ANKIB1: variants seen among roughly 807,000 people sequenced by gnomAD.
The protein encoded by ANKIB1 is ankyrin repeat and IBR domain-containing protein 1.
ANKIB1 carries 43 observed loss-of-function variants against 122.1 expected under a neutral mutation model. The ratio of observed to expected loss-of-function variants is 0.35; its 90% CI spans 0.28 to 0.45. ANKIB1 has a LOEUF of 0.45. Among genes scored for constraint, ANKIB1 ranks in the 20% least tolerant of loss-of-function variants. The pLI, the probability that ANKIB1 is intolerant of heterozygous loss-of-function variation, is 1.00. For synonymous variants in ANKIB1, 390 were observed against 442.0 expected (o/e 0.88, Z 1.48); for missense variants, 992 against 1,329.5 (o/e 0.75, Z 3.95).
chr7:92,312,524 G>A (rs1372393732), intron 3 of ANKIB1, among the ~76,000 whole-genome samples: 1 of 152,100 alleles, frequency 6.6e-6, no homozygotes, highest in Non-Finnish European at 1.5e-5. Context: ...GAGAATGGCA[G>A]TGTTCTAATA....
At chr7:92,283,673 A>G (rs908612409) in intron 1 of ANKIB1, among the ~76,000 whole-genome samples, 9 of 152,222 alleles carry the variant, frequency 5.9e-5, no homozygotes, top group African/African-American at 2.2e-4. Context: ...AACTGAAAAA[A>G]TGCCTATCGC....
At chr7:92,301,339 A>G (rs1399297033) in intron 2 of ANKIB1, among the ~76,000 whole-genome samples, 1 of 148,268 alleles carries the variant, frequency 6.7e-6, no homozygotes, top group Non-Finnish European at 1.5e-5. Flanking sequence ...TTCCTTCCAC[A>G]TTTTTGCCAT....
At chr7:92,364,170 C>A (rs939393837) in intron 10 of ANKIB1, among the ~76,000 whole-genome samples, 1 of 151,554 alleles carries the variant, frequency 6.6e-6, no homozygotes, top group Non-Finnish European at 1.5e-5. Flanking sequence ...TAAATTAGTC[C>A]GGCATGGTGG....
At chr7:92,370,643 T>C (rs1444762001) in intron 10 of ANKIB1, among the ~76,000 whole-genome samples, 1 of 148,104 alleles carries the variant, frequency 6.8e-6, no homozygotes, top group Non-Finnish European at 1.5e-5. Context: ...CACATAGAAA[T>C]GATAATTACT....
chr7:92,306,272 C>T (rs1393660210), intron 2 of ANKIB1, among the ~76,000 whole-genome samples: 3 of 152,050 alleles, frequency 2.0e-5, no homozygotes, highest in Non-Finnish European at 4.4e-5. Context: ...CACTGCATTC[C>T]TTTTGGAGGC....
chr7:92,255,917 G>C (rs913523720), intron 1 of ANKIB1, among the ~76,000 whole-genome samples: 1 of 152,122 alleles, frequency 6.6e-6, no homozygotes, highest in African/African-American at 2.4e-5. Context: ...TGGTAAACAA[G>C]GGGTATAAAA....
intron 9 of ANKIB1, among the ~76,000 whole-genome samples, chr7:92,355,888 G>A (rs28656891): frequency 8.0e-5 from 11 of 137,998 alleles, no homozygotes; most frequent in East Asian, 4.6e-4. Flanking sequence ...AATAATAATA[G>A]TAATAGTAAT....
intron 7 of ANKIB1, among the ~76,000 whole-genome samples, chr7:92,350,271 C>T (rs1192725130): frequency 2.0e-5 from 3 of 152,080 alleles, no homozygotes; most frequent in African/African-American, 7.2e-5. Flanking sequence ...TATACCATTG[C>T]CCCCTTTTCT....
At chr7:92,379,118 C>T (rs1012378809) in intron 11 of ANKIB1, among the ~76,000 whole-genome samples, 2 of 152,200 alleles carry the variant, frequency 1.3e-5, no homozygotes, top group African/African-American at 2.4e-5. Flanking sequence ...AGGCTGGGCG[C>T]GGTGGCTCAC....
At position 92,246,452 on chromosome 7, in the gene ANKIB1, G is replaced by C. The variant is rs766724778; in HGVS notation, c.-158G>C. Reference sequence around the variant, plus strand: ...GTCACCAGCTCGGCTGTAGAGGCAGGGGCGGCGGAGGCGGAACTGCGGAGT... The same window carrying C: ...GTCACCAGCTCGGCTGTAGAGGCAGCGGCGGCGGAGGCGGAACTGCGGAGT... On this transcript the variant is annotated 5_prime_UTR_variant, in exon 1 of 20. Transcript: ENST00000265742. 1.9e-6 allele frequency: 1 copy of C among 517,836 alleles called. No homozygotes were observed. 32.1% of individuals were successfully genotyped at this position (517,836 alleles called of 1,614,324 possible).
chr7:92,368,649 A>G (rs1004656590), intron 10 of ANKIB1, among the ~76,000 whole-genome samples: 4 of 151,960 alleles, frequency 2.6e-5, no homozygotes, highest in Admixed American at 1.3e-4. Flanking sequence ...TGAACCCAGG[A>G]GGCAGAGTTT....
chr7:92,353,685 G>T (rs752102013), intron 9 of ANKIB1, among the ~76,000 whole-genome samples: 19 of 152,160 alleles, frequency 1.2e-4, no homozygotes, highest in Non-Finnish European at 1.6e-4. Context: ...TTATTGAACT[G>T]CAAACCCCTG....
At chr7:92,383,758 T>G (rs900683811) in intron 11 of ANKIB1, among the ~76,000 whole-genome samples, 1 of 152,180 alleles carries the variant, frequency 6.6e-6, no homozygotes, top group Non-Finnish European at 1.5e-5. Flanking sequence ...ATAAGAGCTA[T>G]TTATGACAAA....
intron 1 of ANKIB1, among the ~76,000 whole-genome samples, chr7:92,271,392 T>G (rs1801787806): frequency 1.3e-5 from 2 of 152,232 alleles, no homozygotes; most frequent in Non-Finnish European, 2.9e-5. Context: ...TCAATTAGTG[T>G]GTTTCCTTGA....
At chr7:92,311,743 A>G (rs549010680) in intron 3 of ANKIB1, among the ~76,000 whole-genome samples, 1 of 151,802 alleles carries the variant, frequency 6.6e-6, no homozygotes, top group East Asian at 1.9e-4. Context: ...CACACACAGA[A>G]CATAAAATTA....
chr7:92,326,350 T>A (rs1803027366), intron 4 of ANKIB1, among the ~76,000 whole-genome samples: 1 of 152,166 alleles, frequency 6.6e-6, no homozygotes, highest in Non-Finnish European at 1.5e-5. Flanking sequence ...GCACTGTCAT[T>A]CTCTCGATAA....
At chr7:92,305,612 C>G (rs1802544258) in intron 2 of ANKIB1, among the ~76,000 whole-genome samples, 1 of 152,084 alleles carries the variant, frequency 6.6e-6, no homozygotes, top group African/African-American at 2.4e-5. Context: ...GTGGGGGAGC[C>G]TAGTGTAAAG....
At chr7:92,382,502 C>T (rs1804540197) in intron 11 of ANKIB1, among the ~76,000 whole-genome samples, 1 of 152,200 alleles carries the variant, frequency 6.6e-6, no homozygotes. Flanking sequence ...AAGCACTCCT[C>T]AGCTAATGTA....
At chr7:92,333,063 A>G (rs1803203425) in intron 5 of ANKIB1, among the ~76,000 whole-genome samples, 1 of 152,088 alleles carries the variant, frequency 6.6e-6, no homozygotes, top group Non-Finnish European at 1.5e-5. Flanking sequence ...TCATCACTTA[A>G]TTGTCAGTTT....
Sources: gnomAD v4.1 joint callset for allele counts (sites outside exome capture counted in the v4.1 genomes callset) on GRCh38, gnomAD v4.1.1 for gene constraint, MANE v1.5 for transcripts, NCBI Gene and HGNC (gene_info 2026-07-23, HGNC 2026-07-21) for gene names.